Variants in KCNQ4 observed in about 807,000 individuals in gnomAD.
KCNQ4 encodes potassium voltage-gated channel subfamily Q member 4.
KCNQ4 carries 31 observed loss-of-function variants against 72.6 expected under a neutral mutation model. The ratio of observed to expected loss-of-function variants is 0.43; its 90% CI spans 0.32 to 0.58. The LOEUF (loss-of-function observed/expected upper bound fraction) is 0.58, where lower values mean the gene tolerates loss of function less well. Among genes scored for constraint, KCNQ4 ranks in the 20% least tolerant of loss-of-function variants. KCNQ4 has a pLI of 0.08. For synonymous variants in KCNQ4, 405 were observed against 403.7 expected (o/e 1.00, Z -0.04); for missense variants, 869 against 962.6 (o/e 0.90, Z 1.29).
chr1:40,829,898 T>G (rs556758463), intron 9 of KCNQ4, among the ~76,000 whole-genome samples: 1 of 152,300 alleles, frequency 6.6e-6, no homozygotes, highest in South Asian at 2.1e-4. Context: ...GCCATAACAT[T>G]GTCCTTGAAC....
chr1:40,813,749 TTTTTGTTTTTG>T (rs1176224552), intron 1 of KCNQ4, among the ~76,000 whole-genome samples: 60 of 151,976 alleles, frequency 3.9e-4, no homozygotes, highest in Admixed American at 1.2e-3. Context: ...TTTGTTTTTG[TTTTTGTTTTTG>T]TTTTTGAGAC....
chr1:40,830,794 C>T (rs1483012418), intron 9 of KCNQ4, among the ~76,000 whole-genome samples: 1 of 152,118 alleles, frequency 6.6e-6, no homozygotes, highest in Non-Finnish European at 1.5e-5. Flanking sequence ...GGATTTCTCC[C>T]ACTCCTTCCA....
intron 1 of KCNQ4, among the ~76,000 whole-genome samples, chr1:40,802,640 G>C (rs1162719847): frequency 6.6e-6 from 1 of 152,172 alleles, no homozygotes; most frequent in Non-Finnish European, 1.5e-5. Flanking sequence ...GAGCCCGGGC[G>C]GGGGAAGGGG....
chr1:40,799,437 C>A (rs1984092), intron 1 of KCNQ4, among the ~76,000 whole-genome samples: 3 of 151,852 alleles, frequency 2.0e-5, no homozygotes, highest in Admixed American at 6.5e-5. Flanking sequence ...GCCATGCCCC[C>A]CCCCTCGCTA....
intron 1 of KCNQ4, among the ~76,000 whole-genome samples, chr1:40,792,604 G>A (rs1486658030): frequency 1.3e-5 from 2 of 151,982 alleles, no homozygotes; most frequent in Non-Finnish European, 2.9e-5. Flanking sequence ...CCTGCTGCCC[G>A]TTCCCTGGGT....
chr1:40,824,378 G>A, intron 9 of KCNQ4, 120 bp downstream of exon 9: 1 of 1,113,286 alleles, frequency 9.0e-7, no homozygotes, highest in Non-Finnish European at 1.3e-6. Context: ...CCTGTTTGGG[G>A]GACTCCTAGG....
chr1:40,822,723 G>A (rs571587442), intron 8 of KCNQ4, among the ~76,000 whole-genome samples: 49 of 152,316 alleles, frequency 3.2e-4, no homozygotes, highest in East Asian at 2.5e-3. Flanking sequence ...CAGCCAGCTC[G>A]TCTCCCCTCA....
intron 1 of KCNQ4, among the ~76,000 whole-genome samples, chr1:40,793,675 C>T (rs781014752): frequency 2.0e-5 from 3 of 152,216 alleles, no homozygotes; most frequent in African/African-American, 7.2e-5. Flanking sequence ...GCATCCTTTG[C>T]TCTCACCTAA....
intron 1 of KCNQ4, among the ~76,000 whole-genome samples, chr1:40,785,754 T>C (rs1647196236): frequency 6.6e-6 from 1 of 152,092 alleles, no homozygotes. Context: ...GTTTCTCGGG[T>C]GCTTGCTGGC....
At position 40,822,527 on chromosome 1, in the gene KCNQ4, T is replaced by A. The variant is rs1177949666; in HGVS notation, c.1130+125T>A. 4 of 726,760 alleles carry A rather than the reference T, an allele frequency of 5.5e-6. No individual in the cohort carries two copies. The Admixed American group carries it at 8.3e-5, about 15-fold the overall frequency. 45.0% of individuals were successfully genotyped at this position (726,760 alleles called of 1,614,324 possible). A position where few individuals can be genotyped will look rare whatever the true frequency, so the allele number is the denominator to read the frequency against. Reference sequence around the variant, plus strand: ...TGGCTCCCAGGGGAGCACCCTGGGCTGGCTCTGCAGATCCTATGTAATTCA... The same window carrying A: ...TGGCTCCCAGGGGAGCACCCTGGGCAGGCTCTGCAGATCCTATGTAATTCA... On this transcript the variant is annotated intron_variant, in intron 8 of 13. Coordinates refer to ENST00000347132, the MANE Select transcript of KCNQ4 (RefSeq NM_004700.4).
chr1:40,838,331 G>A lies in KCNQ4; in HGVS notation c.1896G>A (p.Lys632=), dbSNP rs1176413259. ...CCCAGGTGCAGTCCATCGAGCACAA[G>A]CTGGACCTGCTGTTGGGCTTCTATT... ...VEKQVQSIEH[K]LDLLLGFYSR... Residue 632 remains lysine (K), a synonymous_variant, in exon 14 of 14, where the codon AAG becomes AAA. Coordinates refer to ENST00000347132, the MANE Select transcript of KCNQ4 (RefSeq NM_004700.4). The A allele has an allele frequency of 1.2e-6, 2 of 1,613,610 alleles. No homozygotes were observed. Among genetic ancestry groups the A allele is most frequent in the African/African-American group, 2.7e-5 (2 of 74,924 alleles).
rs1360417138 is a variant in KCNQ4 at position 40,784,267 on chromosome 1, C to A, written c.174C>A (p.Leu58=). ...GCCCCCTGCCGCCGGGCGCGCCCCTCCCTGGGCCGGGCTCCGGCTCGGGCT... is the reference window on the plus strand; with the variant it reads ...GCCCCCTGCCGCCGGGCGCGCCCCTACCTGGGCCGGGCTCCGGCTCGGGCT... The part of the protein sequence containing the change: ...LGSPLPPGAP[L]PGPGSGSGSA... The change falls in exon 1 of 14, where the codon CTC becomes CTA. Residue 58 remains leucine, a synonymous_variant. Transcript: ENST00000347132. This position sits in a 1 kb window ranked among gnomAD's most constrained non-coding sequence, Gnocchi z 4.1. The A allele has an allele frequency of 6.6e-7, 1 of 1,507,316 alleles. No individual in the cohort carries two copies. The highest frequency in any genetic ancestry group is 1.4e-5 in the African/African-American group (1 of 69,312). The allele number at this position is 1,507,316 out of a possible 1,614,324, so 93.4% of individuals were successfully genotyped here.
intron 12 of KCNQ4, among the ~76,000 whole-genome samples, chr1:40,835,790 G>A (rs1215057891): frequency 6.6e-6 from 1 of 152,228 alleles, no homozygotes. Flanking sequence ...GGCTGTTAGG[G>A]TTTGCAATTT....
At chr1:40,819,556 ACT>A in intron 5 of KCNQ4, 84 bp downstream of exon 5, 1 of 1,574,448 alleles carries the variant, frequency 6.4e-7, no homozygotes, top group South Asian at 1.1e-5. Flanking sequence ...GTGACTCCTG[ACT>A]CAGGGTTGAG....
intron 1 of KCNQ4, among the ~76,000 whole-genome samples, chr1:40,816,120 C>T (rs1423933523): frequency 1.3e-5 from 2 of 152,116 alleles, no homozygotes; most frequent in Non-Finnish European, 2.9e-5. Flanking sequence ...AGGTGTTCTG[C>T]GTAGCATGCA....
At position 40,831,253 on chromosome 1, in the gene KCNQ4, C is replaced by T. The variant is rs557521797; in HGVS notation, c.1462C>T (p.Arg488Cys). 7 of 1,608,798 alleles carry T rather than the reference C, an allele frequency of 4.4e-6. No individual in the cohort carries two copies. Among genetic ancestry groups the T allele is most frequent in the South Asian group, 2.2e-5 (2 of 89,892 alleles). ...KVQKSWSFNDRTRFRASLRLK... is the reference protein window; with the variant it reads ...KVQKSWSFNDCTRFRASLRLK... Reference sequence around the variant, plus strand: ...GCAAAAGAGCTGGAGCTTCAATGACCGCACCCGCTTCCGGGCATCTCTGAG... The same window carrying T: ...GCAAAAGAGCTGGAGCTTCAATGACTGCACCCGCTTCCGGGCATCTCTGAG... Residue 488 changes from arginine to cysteine, a missense_variant, in exon 10 of 14, where the codon CGC becomes TGC. By Grantham distance (180) the Arg-to-Cys change is radical (BLOSUM62 -3). Coordinates refer to ENST00000347132, the MANE Select transcript of KCNQ4 (RefSeq NM_004700.4).
At position 40,784,564 on chromosome 1, in the gene KCNQ4, G is replaced by C. The variant is rs1647185271; in HGVS notation, c.314+157G>C. ...CCTAAGCCCGGTTTCTGATCCCCTC[G>C]CTGAGCCCGACCCTAAGCCCTGATC... is the stretch of plus-strand genomic sequence containing the variant. On this transcript the variant is annotated intron_variant, in intron 1 of 13. Coordinates refer to ENST00000347132, the MANE Select transcript of KCNQ4 (RefSeq NM_004700.4). This position sits in a 1 kb window ranked among gnomAD's most constrained non-coding sequence, Gnocchi z 4.1. 6.6e-6 allele frequency among the ~76,000 whole-genome samples: 1 copy of C among 151,718 alleles called. No individual in the cohort carries two copies. Among genetic ancestry groups the C allele is most frequent in the African/African-American group, 2.4e-5 (1 of 41,258 alleles).
Position 40,825,701 on chromosome 1 carries a change from CAT to C in KCNQ4, c.1292+1445_1292+1446del, listed in dbSNP as rs34812359. Among the ~76,000 whole-genome samples the C allele has an allele frequency of 8.5e-5, 13 of 152,290 alleles. No homozygotes were observed. In the East Asian group the frequency reaches 2.5e-3, roughly 29 times the overall value. On this transcript the variant is annotated intron_variant, in intron 9 of 13. Transcript: ENST00000347132. ...CATTGTTACCTTCATCCCTACCAAA[CAT>C]AGTTTCCAGGCGGAAACTCAAGAGT...
Position 40,794,089 on chromosome 1 carries a change from T to TCAG in KCNQ4, c.314+9684_314+9686dup, listed in dbSNP as rs1647342596. On this transcript the variant is annotated intron_variant, in intron 1 of 13. Coordinates refer to ENST00000347132, the MANE Select transcript of KCNQ4 (RefSeq NM_004700.4). This position sits in a 1 kb window ranked among gnomAD's most constrained non-coding sequence, Gnocchi z 4.2. ...TAGAGAGAAGTGGAGAAAAGACCCC[T>TCAG]CAGCCCTCTGTGTGGAGCACTGAGC... Among the ~76,000 whole-genome samples, 1 of 151,494 alleles carries TCAG rather than the reference T, an allele frequency of 6.6e-6. No individual in the cohort carries two copies. The highest frequency in any genetic ancestry group is 1.5e-5 in the Non-Finnish European group (1 of 67,806).
Sources: gnomAD v4.1 joint callset for allele counts (sites outside exome capture counted in the v4.1 genomes callset) on GRCh38, gnomAD v4.1.1 for gene constraint, Gnocchi (gnomAD v3.1) non-coding constraint, MANE v1.5 for transcripts, NCBI Gene and HGNC (gene_info 2026-07-23, HGNC 2026-07-21) for gene names.